Variants in RBFOX1 observed in about 807,000 individuals in gnomAD.
RBFOX1 encodes RNA binding fox-1 homolog 1, also known as RNA binding protein fox-1 homolog 1.
In RBFOX1, 8 loss-of-function variants were observed where a neutral mutation model predicts 57.7. The ratio of observed to expected loss-of-function variants is 0.14; its 90% CI spans 0.08 to 0.25. The LOEUF (loss-of-function observed/expected upper bound fraction) is 0.25. Among genes scored for constraint, RBFOX1 ranks in the 10% least tolerant of loss-of-function variants. RBFOX1 has a pLI of 1.00. For synonymous variants in RBFOX1, 326 were observed against 222.4 expected (o/e 1.47, Z -4.15); for missense variants, 611 against 548.5 (o/e 1.11, Z -1.14).
At chr16:7,446,012 G>A (rs888254637) in intron 4 of RBFOX1, among the ~76,000 whole-genome samples, 2 of 152,102 alleles carry the variant, frequency 1.3e-5, no homozygotes, top group Admixed American at 6.5e-5. Flanking sequence ...ATCTCAGCCT[G>A]CCCAACAATT....
intron 2 of RBFOX1, among the ~76,000 whole-genome samples, chr16:5,546,585 C>T (rs1325436422): frequency 2.0e-5 from 3 of 152,142 alleles, no homozygotes; most frequent in African/African-American, 7.2e-5. Flanking sequence ...CAATCTGTAT[C>T]TGTGGCATAT....
At position 6,317,157 on chromosome 16, in the gene RBFOX1, C is replaced by A. The variant is rs1311215137; in HGVS notation, c.-64+100C>A. ...CTTTTCTGCAGGTTTGAAGTTGTTA[C>A]AAAAACTTTGCTGCCTGCCTATGTC... is the stretch of plus-strand genomic sequence containing the variant. On this transcript the variant is annotated intron_variant, in intron 2 of 15. Coordinates refer to ENST00000550418, the MANE Select transcript of RBFOX1 (RefSeq NM_018723.4). 3 of 1,199,514 alleles carry A rather than the reference C, an allele frequency of 2.5e-6. No homozygotes were observed. In the African/African-American group the frequency reaches 4.6e-5, roughly 18 times the overall value. The allele number at this position is 1,199,514 out of a possible 1,614,324, so 74.3% of individuals were successfully genotyped here.
intron 1 of RBFOX1, among the ~76,000 whole-genome samples, chr16:5,431,778 T>C (rs892302268): frequency 8.5e-5 from 13 of 152,234 alleles, no homozygotes; most frequent in African/African-American, 3.1e-4. Context: ...CTGTCTCTTA[T>C]GCTGCAGGAA....
chr16:7,382,285 C>G (rs976349785), intron 4 of RBFOX1, among the ~76,000 whole-genome samples: 3 of 152,168 alleles, frequency 2.0e-5, no homozygotes, highest in African/African-American at 7.2e-5. Flanking sequence ...AGATTTATCT[C>G]ATTTCATAAA....
At chr16:6,826,983 A>C (rs12933074) in intron 3 of RBFOX1, among the ~76,000 whole-genome samples, 18,265 of 152,160 alleles carry the variant, frequency 0.12, 1,402 homozygotes, top group Non-Finnish European at 0.16. Flanking sequence ...ATATGATTGC[A>C]CTGCAATAGA....
intron 3 of RBFOX1, among the ~76,000 whole-genome samples, chr16:6,783,607 A>C (rs1168875718): frequency 6.6e-6 from 1 of 152,030 alleles, no homozygotes; most frequent in Non-Finnish European, 1.5e-5. Flanking sequence ...TCTTTCAACA[A>C]ATTGTTGTAG....
intron 2 of RBFOX1, among the ~76,000 whole-genome samples, chr16:6,372,698 A>G (rs189099383): frequency 1.6e-4 from 25 of 151,788 alleles, no homozygotes; most frequent in African/African-American, 5.8e-4. Context: ...ATCTTTGGAT[A>G]GGAGGATAGT....
At chr16:6,786,541 G>A (rs2081992443) in intron 3 of RBFOX1, among the ~76,000 whole-genome samples, 1 of 152,064 alleles carries the variant, frequency 6.6e-6, no homozygotes, top group Admixed American at 6.6e-5. Flanking sequence ...CAGAGATCCT[G>A]GAAAGGAAAC....
intron 3 of RBFOX1, among the ~76,000 whole-genome samples, chr16:6,835,086 GGTTAGCCAGGATGTTAGT>G (rs1470597614): frequency 3.9e-5 from 6 of 151,928 alleles, no homozygotes; most frequent in African/African-American, 9.7e-5. Flanking sequence ...AGTAGAGACG[GGTTAGCCAGGATGTTAGT>G]GTTAGCCAGG....
chr16:7,124,468 C>G (rs367779948), intron 4 of RBFOX1, among the ~76,000 whole-genome samples: 2 of 151,800 alleles, frequency 1.3e-5, no homozygotes, highest in East Asian at 3.9e-4. Flanking sequence ...GTACTGTACA[C>G]TTCTGAACCA....
rs184667448 is a variant in RBFOX1 at position 7,085,879 on chromosome 16, C to T, written c.27+33781C>T. ...CCTGCATCCCAGGAAACCGTTCTGC[C>T]CCATCAAACCAGGATGGTTGGTGAT... is the stretch of plus-strand genomic sequence containing the variant. On this transcript the variant is annotated intron_variant, in intron 4 of 15. Coordinates refer to ENST00000550418, the MANE Select transcript of RBFOX1 (RefSeq NM_018723.4). Among the ~76,000 whole-genome samples the T allele has an allele frequency of 3.0e-3, 453 of 152,264 alleles. 3 individuals are homozygous for T. Among genetic ancestry groups the T allele is most frequent in the African/African-American group, 0.01 (419 of 41,544 alleles).
chr16:7,638,726 T>C (rs1235814022), intron 11 of RBFOX1, among the ~76,000 whole-genome samples: 2 of 152,196 alleles, frequency 1.3e-5, no homozygotes, highest in Non-Finnish European at 2.9e-5. Context: ...ACTGTACATA[T>C]AGCCATAGAC....
chr16:7,465,660 G>C (rs1424471626), intron 4 of RBFOX1, among the ~76,000 whole-genome samples: 2 of 152,136 alleles, frequency 1.3e-5, no homozygotes, highest in Non-Finnish European at 2.9e-5. Context: ...CTCTTTACTG[G>C]AGTCTTAGAG....
chr16:6,576,676 G>A (rs1051684728), intron 2 of RBFOX1, among the ~76,000 whole-genome samples: 1 of 152,038 alleles, frequency 6.6e-6, no homozygotes, highest in African/African-American at 2.4e-5. Flanking sequence ...GGTGGTGACT[G>A]AGGTCAAACT....
At chr16:6,062,244 G>T (rs1268936008) in intron 1 of RBFOX1, among the ~76,000 whole-genome samples, 3 of 151,882 alleles carry the variant, frequency 2.0e-5, no homozygotes, top group Non-Finnish European at 4.4e-5. Flanking sequence ...CATTAAATAG[G>T]TTTGATTGAT....
At chr16:7,491,457 A>T (rs2066950260) in intron 4 of RBFOX1, among the ~76,000 whole-genome samples, 1 of 145,510 alleles carries the variant, frequency 6.9e-6, no homozygotes, top group Non-Finnish European at 1.5e-5. Context: ...GACACACCAA[A>T]CATCAGCCAG....
At chr16:7,056,784 A>G (rs2052438494) in intron 4 of RBFOX1, among the ~76,000 whole-genome samples, 1 of 152,180 alleles carries the variant, frequency 6.6e-6, no homozygotes, top group African/African-American at 2.4e-5. Context: ...CTAGGTAGCC[A>G]AATGCATGAC....
At chr16:7,288,960 A>G (rs180793182) in intron 4 of RBFOX1, among the ~76,000 whole-genome samples, 1 of 152,336 alleles carries the variant, frequency 6.6e-6, no homozygotes, top group Non-Finnish European at 1.5e-5. Flanking sequence ...CAGGGGTTGG[A>G]GAAAAGAAAG....
chr16:6,164,299 A>G (rs560584408), intron 1 of RBFOX1, among the ~76,000 whole-genome samples: 44 of 152,268 alleles, frequency 2.9e-4, no homozygotes, highest in African/African-American at 8.7e-4. Flanking sequence ...GCCTGATAAT[A>G]CTATAAATAA....
Sources: allele counts gnomAD v4.1 joint callset (sites outside exome capture counted in the v4.1 genomes callset), GRCh38; gene constraint gnomAD v4.1.1; transcripts MANE v1.5; gene names NCBI Gene and HGNC (gene_info 2026-07-23, HGNC 2026-07-21).